SCRG1: variants seen among roughly 807,000 people sequenced by gnomAD.
SCRG1 encodes the protein scrapie-responsive protein 1.
In SCRG1, 3 loss-of-function variants were observed where a neutral mutation model predicts 7.7. The ratio of observed to expected loss-of-function variants is 0.39; its 90% CI spans 0.18 to 1.01. SCRG1 has a LOEUF of 1.01. SCRG1 is among the 50% of genes least tolerant of loss of function. The pLI is 0.36. For synonymous variants in SCRG1, 46 were observed against 41.2 expected (o/e 1.12, Z -0.44); for missense variants, 110 against 117.2 (o/e 0.94, Z 0.28).
rs1739270074 is a variant in SCRG1, at chr4:173,387,223, G to A, written c.*1118C>T. 1 of 152,012 alleles carries A rather than the reference G, an allele frequency of 6.6e-6. No homozygotes were observed. Among genetic ancestry groups the A allele is most frequent in the Non-Finnish European group, 1.5e-5 (1 of 68,006 alleles). 9.4% of individuals were successfully genotyped at this position (152,012 alleles called of 1,614,324 possible). On this transcript the variant is annotated 3_prime_UTR_variant, in exon 3 of 3. Coordinates refer to ENST00000296506, the MANE Select transcript of SCRG1 (RefSeq NM_007281.4). ...ATTGGAACTCTTGAAAATCTGCCTT[G>A]ATTTTTAGCAAATATCTTAAACTTG...
chr4:173,399,810 C>T (rs548186554), upstream of SCRG1, among the ~76,000 whole-genome samples: 18 of 152,118 alleles, frequency 1.2e-4, no homozygotes, highest in African/African-American at 3.4e-4. Context: ...TTAAAAAATT[C>T]GATTAGGAGT....
chr4:173,457,365 G>A, the SCRG1 span, among the ~76,000 whole-genome samples: 1 of 152,180 alleles, frequency 6.6e-6, no homozygotes, highest in Non-Finnish European at 1.5e-5. Context: ...GGAAAAAGAG[G>A]ATATTCTCAC....
chr4:173,403,965 T>C (rs764342150), upstream of SCRG1: 1 of 152,640 alleles, frequency 6.6e-6, no homozygotes, highest in Non-Finnish European at 1.5e-5. Context: ...GTTGATAATG[T>C]TAATGATAAT....
the SCRG1 span, among the ~76,000 whole-genome samples, chr4:173,478,525 G>A: frequency 2.9e-4 from 44 of 152,076 alleles, 1 homozygote; most frequent in African/African-American, 1.1e-3. Flanking sequence ...TATTTTCCTC[G>A]CATTTCTGTG....
the SCRG1 span, among the ~76,000 whole-genome samples, chr4:173,504,584 T>C: frequency 6.6e-6 from 1 of 152,274 alleles, no homozygotes; most frequent in East Asian, 1.9e-4. The surrounding 1 kb of genome is among the most constrained non-coding windows in gnomAD (Gnocchi z 4.7). Context: ...CTATGGTTGC[T>C]GCAAAATATC....
the SCRG1 span, among the ~76,000 whole-genome samples, chr4:173,489,374 A>G: frequency 2.6e-5 from 4 of 152,232 alleles, no homozygotes; most frequent in African/African-American, 9.6e-5. Context: ...TCTTTTAATT[A>G]GAAATAAGTA....
chr4:173,434,967 G>T, the SCRG1 span, among the ~76,000 whole-genome samples: 1 of 152,082 alleles, frequency 6.6e-6, no homozygotes, highest in Non-Finnish European at 1.5e-5. Context: ...TTCAGGCTGG[G>T]GTCTTAGTTG....
chr4:173,441,026 AG>A, the SCRG1 span, among the ~76,000 whole-genome samples: 4 of 151,172 alleles, frequency 2.6e-5, no homozygotes, highest in African/African-American at 9.7e-5. Context: ...TCACCTCCAC[AG>A]TTTCCCGGTA....
upstream of SCRG1, among the ~76,000 whole-genome samples, chr4:173,403,791 GA>G (rs1739822141): frequency 6.6e-6 from 1 of 152,166 alleles, no homozygotes; most frequent in Non-Finnish European, 1.5e-5. Context: ...TCACAGCCCA[GA>G]GCCTAGCAAT....
At chr4:173,491,341 A>G in the SCRG1 span, among the ~76,000 whole-genome samples, 1 of 151,420 alleles carries the variant, frequency 6.6e-6, no homozygotes, top group South Asian at 2.1e-4. Flanking sequence ...CGTTGCTGAC[A>G]TGGTGGTAGA....
chr4:173,403,879 C>T (rs1442292024), upstream of SCRG1, among the ~76,000 whole-genome samples: 2 of 152,246 alleles, frequency 1.3e-5, no homozygotes, highest in South Asian at 2.1e-4. Context: ...AGTGTGTCAA[C>T]GTGTATTCTT....
At chr4:173,483,659 G>A in the SCRG1 span, among the ~76,000 whole-genome samples, 2 of 14,480 alleles carry the variant, frequency 1.4e-4, no homozygotes, top group African/African-American at 1.6e-4. Context: ...ATATTATATT[G>A]TGATATATAA....
the SCRG1 span, among the ~76,000 whole-genome samples, chr4:173,418,115 C>T: frequency 6.6e-6 from 1 of 152,150 alleles, no homozygotes; most frequent in Non-Finnish European, 1.5e-5. Flanking sequence ...ATGAGGAGCT[C>T]AGTAAGGTCA....
the SCRG1 span, among the ~76,000 whole-genome samples, chr4:173,450,688 G>C: frequency 2.0e-5 from 3 of 152,184 alleles, no homozygotes; most frequent in South Asian, 2.1e-4. Context: ...CAGACTCTCA[G>C]ATAGGGAAAC....
the SCRG1 span, among the ~76,000 whole-genome samples, chr4:173,451,651 TTTATTTATTTA>T: frequency 7.0e-6 from 1 of 143,316 alleles, no homozygotes. Flanking sequence ...TATTTATTTA[TTTATTTATTTA>T]TTTATTTATT....
At chr4:173,444,317 T>C in the SCRG1 span, among the ~76,000 whole-genome samples, 1 of 152,132 alleles carries the variant, frequency 6.6e-6, no homozygotes, top group African/African-American at 2.4e-5. Context: ...GTAGTAGTCA[T>C]TGTGGTTGAC....
the SCRG1 span, among the ~76,000 whole-genome samples, chr4:173,426,369 T>G: frequency 1.3e-5 from 2 of 152,200 alleles, no homozygotes; most frequent in Non-Finnish European, 1.5e-5. Flanking sequence ...CCCGACTTCT[T>G]GTACTTTCAA....
At chr4:173,429,221 A>C in the SCRG1 span, among the ~76,000 whole-genome samples, 2 of 152,222 alleles carry the variant, frequency 1.3e-5, no homozygotes, top group Admixed American at 6.5e-5. Flanking sequence ...TTATTTTTGC[A>C]AAACTGATTT....
chr4:173,463,754 T>C, the SCRG1 span, among the ~76,000 whole-genome samples: 1 of 152,214 alleles, frequency 6.6e-6, no homozygotes, highest in Non-Finnish European at 1.5e-5. Flanking sequence ...AGTGAAACCT[T>C]TGTGGTTATA....
Sources: gnomAD v4.1 joint callset for allele counts (sites outside exome capture counted in the v4.1 genomes callset) on GRCh38, gnomAD v4.1.1 for gene constraint, Gnocchi (gnomAD v3.1) non-coding constraint, MANE v1.5 for transcripts, NCBI Gene and HGNC (gene_info 2026-07-23, HGNC 2026-07-21) for gene names.